Variants in KCNMB2 observed in about 807,000 individuals in gnomAD.
KCNMB2 encodes the protein potassium calcium-activated channel subfamily M regulatory beta subunit 2.
Under a neutral mutation model 24.5 loss-of-function variants are expected in KCNMB2, and 9 were observed. The ratio of observed to expected loss-of-function variants is 0.37; its 90% confidence interval spans 0.22 to 0.64. The LOEUF is 0.64. Ranked by LOEUF, KCNMB2 falls within the 30% of genes least tolerant of loss-of-function variation. KCNMB2 has a pLI of 0.63. For missense variants in KCNMB2, 226 were observed against 284.3 expected, an observed-to-expected ratio of 0.79 and a Z score of 1.47; for synonymous variants, 109 against 104.4, an observed-to-expected ratio of 1.04 and a Z score of -0.27.
At chr3:178,757,749 TAA>T (rs1367772966) in intron 1 of KCNMB2, among the ~76,000 whole-genome samples, 1 of 74,742 alleles carries the variant, frequency 1.3e-5, no homozygotes, top group Non-Finnish European at 2.8e-5. Context: ...TATATATATA[TAA>T]GAGGATATAT....
In KCNMB2 at chr3:178,825,769, TGGGTG is replaced by T; in HGVS notation, c.227+14_227+18del. ...CTCATACATGCAGAGGTAATACCAC[TGGGTG>T]GGTGGGACCCTGCTGTTTGTCTCCT... On this transcript the variant is annotated intron_variant, in intron 3 of 4. Transcript: ENST00000452583. 1.3e-6 allele frequency: 2 copies of T among 1,592,026 alleles called. No homozygotes were observed. The highest frequency in any genetic ancestry group is 1.7e-6 in the Non-Finnish European group (2 of 1,162,570).
chr3:178,638,064 C>T (rs927953129), intron 1 of KCNMB2, among the ~76,000 whole-genome samples: 1 of 152,144 alleles, frequency 6.6e-6, no homozygotes, highest in Non-Finnish European at 1.5e-5. Context: ...GCAGTTACGT[C>T]CTCTTCACCA....
chr3:178,611,692 G>A (rs555032587), intron 1 of KCNMB2, among the ~76,000 whole-genome samples: 43 of 152,004 alleles, frequency 2.8e-4, no homozygotes, highest in South Asian at 4.1e-4. Context: ...GAGACAGAGC[G>A]AGACTCTGTC....
At chr3:178,567,963 A>G (rs962652758) in intron 1 of KCNMB2, among the ~76,000 whole-genome samples, 1 of 152,170 alleles carries the variant, frequency 6.6e-6, no homozygotes, top group African/African-American at 2.4e-5. Flanking sequence ...TGTGGCTAAC[A>G]CAGGGTCCAC....
intron 1 of KCNMB2, among the ~76,000 whole-genome samples, chr3:178,793,128 A>C (rs1328233303): frequency 6.6e-6 from 1 of 152,198 alleles, no homozygotes; most frequent in African/African-American, 2.4e-5. Flanking sequence ...GCTCTCAGAC[A>C]TACTTCCATT....
intron 1 of KCNMB2, among the ~76,000 whole-genome samples, chr3:178,630,136 G>A (rs187843959): frequency 2.6e-5 from 4 of 152,138 alleles, no homozygotes; most frequent in African/African-American, 9.6e-5. Context: ...CCATTTCCCT[G>A]GCGCTTCTTT....
At chr3:178,698,941 C>T (rs1046432009) in intron 1 of KCNMB2, among the ~76,000 whole-genome samples, 1 of 152,212 alleles carries the variant, frequency 6.6e-6, no homozygotes, top group Non-Finnish European at 1.5e-5. Flanking sequence ...TCATATTCGG[C>T]CCCAACTTTA....
At chr3:178,791,375 T>C (rs1176482871) in intron 1 of KCNMB2, among the ~76,000 whole-genome samples, 2 of 152,158 alleles carry the variant, frequency 1.3e-5, no homozygotes, top group Non-Finnish European at 2.9e-5. Context: ...GCTGAACTAA[T>C]GAAGCAGAAT....
chr3:178,662,779 A>G (rs941918335), intron 1 of KCNMB2, among the ~76,000 whole-genome samples: 3 of 152,096 alleles, frequency 2.0e-5, no homozygotes, highest in Non-Finnish European at 2.9e-5. Context: ...ATATTTATTC[A>G]TTACTTATGC....
In KCNMB2 at chr3:178,536,526, T is replaced by A. The variant is rs1715416787; in HGVS notation, c.-253T>A. 6.6e-6 allele frequency: 1 copy of A among 152,222 alleles called. No homozygotes were observed. The highest frequency in any genetic ancestry group is 2.1e-4 in the South Asian group (1 of 4,834). The allele number at this position is 152,222 out of a possible 1,614,324, so 9.4% of individuals were successfully genotyped here. ...TCACTCCTATTGTCCTTCCAAACTC[T>A]TTCAGACATTTTGAGCAGGGAGTAT... On this transcript the variant is annotated 5_prime_UTR_variant, in exon 1 of 5. Coordinates refer to ENST00000452583, the MANE Select transcript of KCNMB2 (RefSeq NM_181361.3).
At chr3:178,757,498 G>A (rs1409461584) in intron 1 of KCNMB2, among the ~76,000 whole-genome samples, 2 of 55,692 alleles carry the variant, frequency 3.6e-5, no homozygotes, top group African/African-American at 1.9e-4. Flanking sequence ...ATATATCCAA[G>A]AGGATATATA....
intron 1 of KCNMB2, among the ~76,000 whole-genome samples, chr3:178,635,333 C>T (rs1027349146): frequency 6.6e-6 from 1 of 151,846 alleles, no homozygotes. Context: ...ATACATGTTA[C>T]TAAGACAAGT....
At chr3:178,587,382 T>C (rs1179683428) in intron 1 of KCNMB2, among the ~76,000 whole-genome samples, 1 of 152,156 alleles carries the variant, frequency 6.6e-6, no homozygotes, top group African/African-American at 2.4e-5. Context: ...CAAGGACCTT[T>C]GTCCCCCAAT....
At chr3:178,553,416 A>G (rs1716021961) in intron 1 of KCNMB2, among the ~76,000 whole-genome samples, 1 of 152,248 alleles carries the variant, frequency 6.6e-6, no homozygotes, top group Non-Finnish European at 1.5e-5. Context: ...ATTAAAAGGC[A>G]TGGACAAACC....
chr3:178,826,756 A>G (rs1714848788), intron 3 of KCNMB2, among the ~76,000 whole-genome samples: 1 of 152,210 alleles, frequency 6.6e-6, no homozygotes, highest in East Asian at 1.9e-4. Context: ...TAGAAGCAAA[A>G]TCTAGCTGAA....
At chr3:178,800,693 G>T (rs949407600) in intron 1 of KCNMB2, among the ~76,000 whole-genome samples, 1 of 152,006 alleles carries the variant, frequency 6.6e-6, no homozygotes, top group Non-Finnish European at 1.5e-5. Context: ...CCAAAAGAAT[G>T]CAATTCAGTA....
intron 4 of KCNMB2, among the ~76,000 whole-genome samples, chr3:178,833,891 A>G (rs1158858735): frequency 6.6e-6 from 1 of 152,120 alleles, no homozygotes; most frequent in Non-Finnish European, 1.5e-5. Context: ...TCTGGGAGCT[A>G]CAAGAGGGCT....
intron 1 of KCNMB2, among the ~76,000 whole-genome samples, chr3:178,561,418 G>A (rs552708989): frequency 2.0e-5 from 3 of 152,262 alleles, no homozygotes; most frequent in South Asian, 2.1e-4. Context: ...GTGGAGTTGC[G>A]CAACTAGACT....
intron 1 of KCNMB2, among the ~76,000 whole-genome samples, chr3:178,757,328 ATATG>A (rs1724112030): frequency 2.7e-5 from 3 of 109,306 alleles, no homozygotes; most frequent in Admixed American, 2.1e-4. Flanking sequence ...GGACATATAT[ATATG>A]TATATATATC....
Sources: allele counts gnomAD v4.1 joint callset (sites outside exome capture counted in the v4.1 genomes callset), GRCh38; gene constraint gnomAD v4.1.1; transcripts MANE v1.5; gene names NCBI Gene and HGNC (gene_info 2026-07-23, HGNC 2026-07-21).